The following FSTL5 variants were observed in gnomAD, a reference collection of about 807,000 sequenced individuals.
The protein encoded by FSTL5 is follistatin like 5, also known as follistatin-related protein 5.
FSTL5 carries 62 observed loss-of-function variants against 89.1 expected under a neutral mutation model. The ratio of observed to expected loss-of-function variants is 0.70; its 90% confidence interval spans 0.57 to 0.86. The LOEUF is 0.86. Ranked by LOEUF, FSTL5 falls within the 40% of genes least tolerant of loss-of-function variation. The pLI is 0.00. For synonymous variants in FSTL5, 383 were observed against 346.2 expected (o/e 1.11, Z -1.18); for missense variants, 1,057 against 1,001.6 (o/e 1.06, Z -0.75).
intron 5 of FSTL5, among the ~76,000 whole-genome samples, chr4:161,771,663 C>T (rs1741214965): frequency 6.6e-6 from 1 of 152,050 alleles, no homozygotes; most frequent in Non-Finnish European, 1.5e-5. Flanking sequence ...TTGTTGATGT[C>T]CCTTCTTCAG....
chr4:162,097,407 T>C lies in FSTL5; in HGVS notation c.126+13864A>G, dbSNP rs561316485. Among the ~76,000 whole-genome samples the C allele has an allele frequency of 5.9e-5, 9 of 151,986 alleles. No individual in the cohort carries two copies. The East Asian group carries it at 1.4e-3, about 23-fold the overall frequency. ...AATTATTTTAATCATATGTAACTTG[T>C]AGCAAGTTATAACTTTCAATTATTT... On this transcript the variant is annotated intron_variant, in intron 2 of 15. Coordinates refer to ENST00000306100, the MANE Select transcript of FSTL5 (RefSeq NM_020116.5).
chr4:161,846,091 GTGTT>G (rs1345470421), intron 4 of FSTL5, among the ~76,000 whole-genome samples: 2 of 151,914 alleles, frequency 1.3e-5, no homozygotes, highest in South Asian at 2.1e-4. Flanking sequence ...ATTTGTGTGT[GTGTT>G]TGTGTGTGTG....
intron 6 of FSTL5, among the ~76,000 whole-genome samples, chr4:161,712,683 T>C (rs1157842862): frequency 6.6e-6 from 1 of 152,150 alleles, no homozygotes; most frequent in Admixed American, 6.6e-5. Context: ...AGGTCCCTTA[T>C]GAATGGCTTG....
chr4:161,394,704 C>T (rs1401056692), intron 15 of FSTL5, among the ~76,000 whole-genome samples: 14 of 152,148 alleles, frequency 9.2e-5, no homozygotes. Context: ...GTAATTATTG[C>T]TTACCAGACT....
intron 15 of FSTL5, among the ~76,000 whole-genome samples, chr4:161,413,238 A>G (rs1369952616): frequency 1.1e-5 from 1 of 93,402 alleles, no homozygotes; most frequent in Non-Finnish European, 2.1e-5. Flanking sequence ...GGCAAAGGAC[A>G]TGAATAGACA....
At chr4:161,797,698 T>A (rs1396655967) in intron 4 of FSTL5, among the ~76,000 whole-genome samples, 1 of 151,634 alleles carries the variant, frequency 6.6e-6, no homozygotes. Context: ...TATTAAAGGA[T>A]TCACATATAT....
chr4:161,409,678 A>G (rs1421369781), intron 15 of FSTL5, among the ~76,000 whole-genome samples: 1 of 152,118 alleles, frequency 6.6e-6, no homozygotes, highest in African/African-American at 2.4e-5. Flanking sequence ...CCGCACCCAG[A>G]CAGGAATATG....
chr4:162,160,725 A>C (rs1049507158), intron 1 of FSTL5, among the ~76,000 whole-genome samples: 1 of 151,592 alleles, frequency 6.6e-6, no homozygotes, highest in East Asian at 1.9e-4. Flanking sequence ...CTTAAATATT[A>C]TTTTAAAAGG....
chr4:161,581,628 A>G lies in FSTL5; in HGVS notation c.1015+5827T>C, dbSNP rs1214245373. ...AATGAAGGTCATGCTTTGTATCTGT[A>G]TATCTGGCTTTTGTGTCTTTCGTAC... is the stretch of plus-strand genomic sequence containing the variant. On this transcript the variant is annotated intron_variant, in intron 8 of 15. Coordinates refer to ENST00000306100, the MANE Select transcript of FSTL5 (RefSeq NM_020116.5). Among the ~76,000 whole-genome samples the G allele has an allele frequency of 3.9e-5, 6 of 152,348 alleles. No homozygotes were observed. In the South Asian group the frequency reaches 1.2e-3, roughly 32 times the overall value.
chr4:161,922,740 G>T (rs1734026080), intron 3 of FSTL5, among the ~76,000 whole-genome samples: 1 of 151,908 alleles, frequency 6.6e-6, no homozygotes, highest in South Asian at 2.1e-4. Context: ...AGTGGAAAAA[G>T]ATGAGAAGTT....
At chr4:161,671,191 C>T (rs1241731660) in intron 6 of FSTL5, among the ~76,000 whole-genome samples, 1 of 152,168 alleles carries the variant, frequency 6.6e-6, no homozygotes, top group Non-Finnish European at 1.5e-5. Flanking sequence ...TATCACCACA[C>T]GTGTGCAACT....
At chr4:161,472,301 T>C (rs1733974870) in intron 13 of FSTL5, among the ~76,000 whole-genome samples, 1 of 152,200 alleles carries the variant, frequency 6.6e-6, no homozygotes, top group South Asian at 2.1e-4. Flanking sequence ...TTTAAAGAAC[T>C]AACTTTTGGT....
At chr4:161,433,369 A>T (rs909612971) in intron 15 of FSTL5, among the ~76,000 whole-genome samples, 13 of 152,010 alleles carry the variant, frequency 8.6e-5, no homozygotes, top group African/African-American at 9.7e-5. Context: ...CTTTATGATT[A>T]AAAAAACCCT....
chr4:162,018,614 A>G (rs753711489), intron 3 of FSTL5, among the ~76,000 whole-genome samples: 4 of 150,342 alleles, frequency 2.7e-5, no homozygotes, highest in African/African-American at 7.4e-5. Flanking sequence ...CCTACATAAT[A>G]TTTGTGTTTT....
intron 6 of FSTL5, among the ~76,000 whole-genome samples, chr4:161,691,326 A>T (rs2126719586): frequency 6.6e-6 from 1 of 152,210 alleles, no homozygotes; most frequent in South Asian, 2.1e-4. Context: ...CTTGACTCAC[A>T]TGTTCAAAAT....
intron 5 of FSTL5, among the ~76,000 whole-genome samples, chr4:161,774,980 G>T (rs933241097): frequency 4.6e-5 from 7 of 152,224 alleles, no homozygotes; most frequent in African/African-American, 1.4e-4. Flanking sequence ...TAGTTTGAAT[G>T]ATGATAACTA....
intron 7 of FSTL5, among the ~76,000 whole-genome samples, chr4:161,599,017 T>C (rs1355908959): frequency 6.6e-6 from 1 of 152,244 alleles, no homozygotes; most frequent in East Asian, 1.9e-4. Flanking sequence ...TTAAGAATTC[T>C]TATTTGTAAA....
intron 15 of FSTL5, among the ~76,000 whole-genome samples, chr4:161,438,511 A>T (rs1057420852): frequency 5.9e-5 from 9 of 152,110 alleles, no homozygotes; most frequent in Non-Finnish European, 8.8e-5. Context: ...GCTGATGATT[A>T]AAAAAAGCTG....
chr4:161,640,953 C>A (rs1735937266), intron 7 of FSTL5, among the ~76,000 whole-genome samples: 1 of 152,108 alleles, frequency 6.6e-6, no homozygotes, highest in African/African-American at 2.4e-5. Context: ...CAATTGTTTG[C>A]AGCTATTTTT....
Sources: gnomAD v4.1 joint callset for allele counts (sites outside exome capture counted in the v4.1 genomes callset) on GRCh38, gnomAD v4.1.1 for gene constraint, MANE v1.5 for transcripts, NCBI Gene and HGNC (gene_info 2026-07-23, HGNC 2026-07-21) for gene names.